SLC9D1: variants seen among roughly 807,000 people sequenced by gnomAD.
The protein encoded by SLC9D1 is solute carrier family 9 member D1, also known as putative LAG1-interacting protein.
chr13:113,526,526 C>G, the SLC9D1 span, among the ~76,000 whole-genome samples: 1 of 151,832 alleles, frequency 6.6e-6, no homozygotes, highest in African/African-American at 2.4e-5. Context: ...CAAGACCAGC[C>G]TGGGCAACAT....
the SLC9D1 span, chr13:113,536,516 T>G: frequency 3.1e-6 from 3 of 953,542 alleles, no homozygotes; most frequent in Non-Finnish European, 3.7e-6. Flanking sequence ...TTTTATCCAT[T>G]CCAGAGTATT....
chr13:113,517,323 C>T, the SLC9D1 span, among the ~76,000 whole-genome samples: 1 of 152,160 alleles, frequency 6.6e-6, no homozygotes, highest in Non-Finnish European at 1.5e-5. Context: ...AGTTCCACCT[C>T]CCGGGTTCAC....
the SLC9D1 span, chr13:113,503,349 G>GAC: frequency 5.5e-4 from 50 of 91,002 alleles, no homozygotes; most frequent in African/African-American, 7.1e-3. Context: ...GTGTGATTGT[G>GAC]TGTGTGTGTG....
chr13:113,495,899 T>G, the SLC9D1 span: 1 of 1,614,120 alleles, frequency 6.2e-7, no homozygotes, highest in Non-Finnish European at 8.5e-7. Context: ...TGAATGAAAG[T>G]GAAAATTCCG....
the SLC9D1 span, chr13:113,529,804 G>A: frequency 1.3e-5 from 2 of 152,112 alleles, no homozygotes; most frequent in African/African-American, 4.8e-5. Flanking sequence ...ACTGATACAC[G>A]GTGGTGATGG....
the SLC9D1 span, chr13:113,503,365 G>A: frequency 1.6e-6 from 1 of 614,428 alleles, no homozygotes; most frequent in Non-Finnish European, 2.9e-6. Flanking sequence ...GTGTGTGTGT[G>A]TGTGTGTGTG....
At chr13:113,519,181 C>T in the SLC9D1 span, among the ~76,000 whole-genome samples, 1 of 151,880 alleles carries the variant, frequency 6.6e-6, no homozygotes, top group African/African-American at 2.4e-5. Context: ...GTAGCTGGGA[C>T]TGCAGGTGCC....
At chr13:113,498,580 ATGT>A in the SLC9D1 span, 13 of 1,343,988 alleles carry the variant, frequency 9.7e-6, no homozygotes, top group Admixed American at 2.7e-5. Context: ...ATCAGAAGAC[ATGT>A]TGTTGAAATT....
At chr13:113,517,419 G>A in the SLC9D1 span, among the ~76,000 whole-genome samples, 1,147 of 152,168 alleles carry the variant, frequency 7.5e-3, 12 homozygotes, top group African/African-American at 0.021. Context: ...TAGTAGAGAC[G>A]GGGTTTCACC....
At chr13:113,498,322 C>T in the SLC9D1 span, 19 of 1,503,706 alleles carry the variant, frequency 1.3e-5, no homozygotes, top group Non-Finnish European at 1.4e-5. Context: ...TCTCACTCTT[C>T]TTTTCTTACA....
chr13:113,519,422 G>C, the SLC9D1 span, among the ~76,000 whole-genome samples: 2 of 151,052 alleles, frequency 1.3e-5, no homozygotes, highest in African/African-American at 4.9e-5. Context: ...ATTTTTAGAA[G>C]CATATTTACA....
the SLC9D1 span, among the ~76,000 whole-genome samples, chr13:113,512,687 A>G: frequency 1.3e-5 from 2 of 149,884 alleles, no homozygotes; most frequent in Admixed American, 6.7e-5. Flanking sequence ...GAGTCAGTAT[A>G]TATAGATTTG....
chr13:113,548,468 C>A, the SLC9D1 span: 1 of 1,594,846 alleles, frequency 6.3e-7, no homozygotes, highest in Non-Finnish European at 8.5e-7. Context: ...TGGCTTCCCC[C>A]CGCGGAGCGC....
chr13:113,503,474 G>A, the SLC9D1 span: 1 of 1,567,704 alleles, frequency 6.4e-7, no homozygotes, highest in Non-Finnish European at 8.8e-7. Context: ...CAATTATATG[G>A]TTTTTCTTTT....
the SLC9D1 span, chr13:113,539,609 A>G: frequency 3.1e-6 from 4 of 1,281,414 alleles, no homozygotes; most frequent in Non-Finnish European, 4.3e-6. The surrounding 1 kb of genome is among the most constrained non-coding windows in gnomAD (Gnocchi z 4.8). Flanking sequence ...AAAAATGGTT[A>G]TCTTAAAAAT....
At chr13:113,536,349 A>T in the SLC9D1 span, among the ~76,000 whole-genome samples, 4 of 151,972 alleles carry the variant, frequency 2.6e-5, no homozygotes, top group Non-Finnish European at 1.5e-5. Flanking sequence ...TCAAAAAAAA[A>T]AAAGTTTCCA....
At chr13:113,496,165 C>G in the SLC9D1 span, 1 of 634,296 alleles carries the variant, frequency 1.6e-6, no homozygotes, top group East Asian at 2.7e-5. Context: ...GGCGTGAATG[C>G]TGCTGATGTC....
chr13:113,525,238 T>G, the SLC9D1 span, among the ~76,000 whole-genome samples: 4 of 152,184 alleles, frequency 2.6e-5, no homozygotes, highest in African/African-American at 9.6e-5. Flanking sequence ...TCGGGTGGGA[T>G]TCTCTGGACC....
the SLC9D1 span, chr13:113,495,848 A>G: frequency 1.9e-6 from 3 of 1,614,126 alleles, no homozygotes; most frequent in Non-Finnish European, 2.5e-6. Context: ...ATGAAGAGAA[A>G]CTGTTTCAGG....
Sources: allele counts gnomAD v4.1 joint callset (sites outside exome capture counted in the v4.1 genomes callset), GRCh38; gene constraint gnomAD v4.1.1; non-coding constraint Gnocchi (gnomAD v3.1); transcripts MANE v1.5; gene names NCBI Gene and HGNC (gene_info 2026-07-23, HGNC 2026-07-21).